PIGN: variants seen among roughly 807,000 people sequenced by gnomAD.
The protein encoded by PIGN is phosphatidylinositol glycan anchor biosynthesis class N.
A neutral mutation model predicts 125.4 loss-of-function variants in PIGN; 117 were observed. The observed-to-expected ratio is 0.93, with a 90% CI of 0.80 to 1.09. The LOEUF (loss-of-function observed/expected upper bound fraction) is 1.09. PIGN is among the 50% of genes least tolerant of loss of function. The pLI is 0.00. For synonymous variants in PIGN, 392 were observed against 377.8 expected (o/e 1.04, Z -0.44); for missense variants, 1,075 against 1,094.9 (o/e 0.98, Z 0.26).
At position 62,111,208 on chromosome 18, in the gene PIGN, T is replaced by C. The variant is rs929640591; in HGVS notation, c.1435-1235A>G. Reference sequence around the variant, plus strand: ...TGAGCCTAAATCCCTCCATCTATATTATGAGAATCATAACCACCAAATTTA... The same window carrying C: ...TGAGCCTAAATCCCTCCATCTATATCATGAGAATCATAACCACCAAATTTA... On this transcript the variant is annotated intron_variant, in intron 16 of 30. Transcript: ENST00000640252. 2.0e-5 allele frequency among the ~76,000 whole-genome samples: 3 copies of C among 152,248 alleles called. No individual in the cohort carries two copies. The East Asian group carries it at 5.8e-4, about 29-fold the overall frequency.
rs2030041556 is a variant in PIGN at position 62,020,642 on chromosome 18, TA to T, written c.2143-2902del. 2.6e-5 allele frequency among the ~76,000 whole-genome samples: 4 copies of T among 151,686 alleles called. No homozygotes were observed. In the South Asian group the frequency reaches 8.3e-4, roughly 32 times the overall value. On this transcript the variant is annotated intron_variant, in intron 23 of 24. Coordinates refer to the PIGN transcript ENST00000639600. Reference sequence around the variant, plus strand: ...CAATGAGATACTCCTACCTACCCATTAGAATGGTTAAAATTTTTAAAGACTG... The same window carrying T: ...CAATGAGATACTCCTACCTACCCATTGAATGGTTAAAATTTTTAAAGACTG...
intron 23 of PIGN, 106 bp from the exon 24 acceptor site, chr18:62,090,684 C>A: frequency 3.3e-6 from 2 of 613,080 alleles, no homozygotes; most frequent in Admixed American, 3.2e-5. Flanking sequence ...TTTGATAATA[C>A]TTCTAAGTCA....
chr18:62,146,926 C>T, intron 9 of PIGN, 45 bp downstream of exon 9: 1 of 1,577,798 alleles, frequency 6.3e-7, no homozygotes, highest in Non-Finnish European at 8.7e-7. Flanking sequence ...CTACATTTAT[C>T]ACTACTTTAA....
intron 30 of PIGN, among the ~76,000 whole-genome samples, chr18:62,049,264 T>C (rs2031035564): frequency 6.6e-6 from 1 of 152,172 alleles, no homozygotes; most frequent in African/African-American, 2.4e-5. Context: ...TCTAGATCCC[T>C]GAGGAATCGC....
At chr18:62,173,429 A>G (rs1393473474) in intron 1 of PIGN, among the ~76,000 whole-genome samples, 1 of 152,100 alleles carries the variant, frequency 6.6e-6, no homozygotes, top group African/African-American at 2.4e-5. Flanking sequence ...ACTGGGTCTC[A>G]CTGTGTCACC....
At chr18:62,073,333 T>C (rs925546675) in intron 29 of PIGN, among the ~76,000 whole-genome samples, 1 of 151,932 alleles carries the variant, frequency 6.6e-6, no homozygotes, top group African/African-American at 2.4e-5. Context: ...AAGTAAAAAG[T>C]AGGAGTCAGA....
intron 24 of PIGN, among the ~76,000 whole-genome samples, chr18:62,089,792 A>G (rs2033874324): frequency 6.6e-6 from 1 of 152,166 alleles, no homozygotes. Flanking sequence ...TATTTTCTGT[A>G]ATATTCATTT....
chr18:62,113,761 CA>C (rs955206239), intron 15 of PIGN, among the ~76,000 whole-genome samples: 1 of 151,712 alleles, frequency 6.6e-6, no homozygotes, highest in African/African-American at 2.4e-5. Context: ...TTAAAATCAT[CA>C]AAAAAAGCAT....
intron 28 of PIGN, chr18:62,075,682 T>A (rs2033134460): frequency 6.6e-6 from 1 of 152,208 alleles, no homozygotes; most frequent in Admixed American, 6.5e-5. Flanking sequence ...TGTGTCTAAT[T>A]TTTTGTGTAA....
At position 62,162,248 on chromosome 18, in the gene PIGN, G is replaced by C. The variant is rs2036980330; in HGVS notation, c.-33+5C>G. The C allele has an allele frequency of 6.6e-6, 1 of 151,936 alleles. No individual in the cohort carries two copies. The allele number at this position is 151,936 out of a possible 1,614,324, so 9.4% of individuals were successfully genotyped here. On this transcript the variant is annotated splice_donor_5th_base_variant and intron_variant, in intron 3 of 30. Coordinates refer to ENST00000640252, the MANE Select transcript of PIGN (RefSeq NM_176787.5). ...ACATTTAAATAAAACTGTAAAAGAA[G>C]ATACCATTAAATTGCCAAGATCAAA...
chr18:62,173,178 AT>A (rs1222715389), intron 1 of PIGN, among the ~76,000 whole-genome samples: 6 of 152,228 alleles, frequency 3.9e-5, no homozygotes, highest in African/African-American at 9.6e-5. Flanking sequence ...AATAACAAGC[AT>A]TTTGACAATA....
At chr18:62,033,482 A>G (rs1438550647) in intron 23 of PIGN, among the ~76,000 whole-genome samples, 1 of 152,220 alleles carries the variant, frequency 6.6e-6, no homozygotes, top group Non-Finnish European at 1.5e-5. Flanking sequence ...TACTTCTTCT[A>G]AAGTGTTTAG....
chr18:62,154,252 A>T, intron 7 of PIGN: 2 of 426,618 alleles, frequency 4.7e-6, no homozygotes, highest in Admixed American at 8.7e-5. Flanking sequence ...GTCTGATTCC[A>T]TGGTCAATGA....
At position 62,105,607 on chromosome 18, in the gene PIGN, A is replaced by G; in HGVS notation, c.1795T>C (p.Ser599Pro). 6.4e-7 allele frequency: 1 copy of G among 1,554,292 alleles called. No individual in the cohort carries two copies. Among genetic ancestry groups the G allele is most frequent in the Non-Finnish European group, 8.7e-7 (1 of 1,148,282 alleles). Residue 599 changes from serine to proline, a missense_variant, in exon 20 of 31, where the codon TCT (serine) becomes CCT (proline). Physicochemically the swap from Ser to Pro is moderately conservative, Grantham distance 74. Around this residue, in one of 3 missense-constraint regions of PIGN, gnomAD observed 915 missense variants for 908.7 expected, o/e 1.01. Coordinates refer to ENST00000640252, the MANE Select transcript of PIGN (RefSeq NM_176787.5). Reference protein sequence around the residue: ...KMTSLSWTFFSLLLAVFPLMP... With the variant: ...KMTSLSWTFFPLLLAVFPLMP... Reference sequence around the variant, plus strand: ...AGTGGGAACACTGCCAGGAGCAAAGAGAAGAAAGTCCAACTCAGTGAGGTC... The same window carrying G: ...AGTGGGAACACTGCCAGGAGCAAAGGGAAGAAAGTCCAACTCAGTGAGGTC...
intron 1 of PIGN, among the ~76,000 whole-genome samples, chr18:62,170,218 G>A (rs1286710681): frequency 6.6e-6 from 1 of 152,128 alleles, no homozygotes; most frequent in Non-Finnish European, 1.5e-5. Flanking sequence ...GAACCATAAT[G>A]GTTCTTAATA....
At chr18:62,018,503 T>C (rs2030010165) in intron 23 of PIGN, among the ~76,000 whole-genome samples, 1 of 152,236 alleles carries the variant, frequency 6.6e-6, no homozygotes, top group African/African-American at 2.4e-5. Context: ...TCGAATGCAG[T>C]ACAGATAGGC....
chr18:62,083,409 A>AAACAGGG (rs1489099100), intron 27 of PIGN, among the ~76,000 whole-genome samples: 1 of 152,102 alleles, frequency 6.6e-6, no homozygotes. Flanking sequence ...TGATGTTTCA[A>AAACAGGG]AACAGGGGGA....
chr18:62,139,431 G>A (rs77659402), intron 12 of PIGN, among the ~76,000 whole-genome samples: 3,366 of 152,256 alleles, frequency 0.022, 104 homozygotes, highest in African/African-American at 0.058. Flanking sequence ...ACATATCAGA[G>A]TGTACTGTAC....
intron 14 of PIGN, chr18:62,136,299 T>G (rs2035930161): frequency 6.6e-6 from 1 of 152,192 alleles, no homozygotes; most frequent in South Asian, 2.1e-4. Flanking sequence ...TATACACACA[T>G]AAAAACTCAA....
Sources: gnomAD v4.1 joint callset for allele counts (sites outside exome capture counted in the v4.1 genomes callset) on GRCh38, gnomAD v4.1.1 for gene constraint, gnomAD v4.1.1 regional missense constraint, MANE v1.5 for transcripts, NCBI Gene and HGNC (gene_info 2026-07-23, HGNC 2026-07-21) for gene names.